The following SNX4 variants were observed in gnomAD, a reference collection of about 807,000 sequenced individuals.
SNX4 encodes sorting nexin 4.
SNX4 carries 49 observed loss-of-function variants against 70.8 expected under a neutral mutation model. That is an observed-to-expected ratio of 0.69 (90% CI 0.55 to 0.88). The LOEUF (loss-of-function observed/expected upper bound fraction) is 0.88. Ranked by LOEUF, SNX4 falls within the 40% of genes least tolerant of loss-of-function variation. The pLI is 0.00. For missense variants in SNX4, 528 were observed against 544.8 expected, an observed-to-expected ratio of 0.97 and a Z score of 0.31; for synonymous variants, 206 against 183.8, an observed-to-expected ratio of 1.12 and a Z score of -0.98.
At position 125,515,664 on chromosome 3, in the gene SNX4, C is replaced by CA. The variant is rs3030895; in HGVS notation, c.141+4367dup. On this transcript the variant is annotated intron_variant, in intron 1 of 13. Transcript: ENST00000251775. ...TGGGCAACAGTGCAAGACTTGGCCT[C>CA]AAAAAAAAAAAAAAAAAAAGAAAAT... Among the ~76,000 whole-genome samples the CA allele has an allele frequency of 3.1e-3, 314 of 102,330 alleles. 1 individual carries two copies. Among genetic ancestry groups the CA allele is most frequent in the East Asian group, 5.3e-3 (18 of 3,398 alleles). The allele number at this position is 102,330 out of a possible 152,430, so 67.1% of individuals were successfully genotyped here.
chr3:125,457,455 C>T, intron 10 of SNX4, 90 bp from the exon 11 acceptor site: 1 of 879,954 alleles, frequency 1.1e-6, no homozygotes, highest in Non-Finnish European at 1.8e-6. Flanking sequence ...TTCACAATGT[C>T]TCGCTAGGGC....
intron 2 of SNX4, among the ~76,000 whole-genome samples, chr3:125,502,924 T>TTTTG (rs79111496): frequency 7.0e-6 from 1 of 143,536 alleles, no homozygotes; most frequent in South Asian, 2.1e-4. Context: ...GTAGTTTTTT[T>TTTTG]TTTTTTTCTT....
At chr3:125,488,339 G>A (rs1294188404) in intron 6 of SNX4, among the ~76,000 whole-genome samples, 1 of 152,004 alleles carries the variant, frequency 6.6e-6, no homozygotes, top group Non-Finnish European at 1.5e-5. Context: ...ACTGGGCGTT[G>A]TAGGGGGTGC....
intron 9 of SNX4, among the ~76,000 whole-genome samples, chr3:125,467,259 C>T (rs191686129): frequency 1.7e-4 from 25 of 151,468 alleles, no homozygotes; most frequent in Admixed American, 2.0e-4. Flanking sequence ...TGGTGGTGGG[C>T]GCCTGTAATC....
chr3:125,478,073 CTATTAT>C (rs753250044), intron 7 of SNX4, among the ~76,000 whole-genome samples: 21 of 136,228 alleles, frequency 1.5e-4, no homozygotes, highest in Non-Finnish European at 2.7e-4. Context: ...ATTATTATTA[CTATTAT>C]TATTATTATT....
intron 8 of SNX4, among the ~76,000 whole-genome samples, chr3:125,474,272 C>G (rs1288817952): frequency 6.6e-6 from 1 of 152,156 alleles, no homozygotes; most frequent in Non-Finnish European, 1.5e-5. Flanking sequence ...CACCTCTGGT[C>G]TTTCTGGCTC....
At chr3:125,451,478 A>G (rs1040349600) in intron 12 of SNX4, 59 bp from the exon 13 acceptor site, 19 of 1,242,052 alleles carry the variant, frequency 1.5e-5, no homozygotes, top group Admixed American at 1.1e-4. Context: ...TGTACTAAAA[A>G]GTTAACCAGT....
rs375460197 is a variant in SNX4, at chr3:125,453,767, T to C, written c.1190+43A>G. On this transcript the variant is annotated intron_variant, in intron 12 of 13. Coordinates refer to ENST00000251775, the MANE Select transcript of SNX4 (RefSeq NM_003794.4). ...TAAATAAATAAAATAATCTACCATA[T>C]AGTCTACAAGCCTAGCTTACTTAAA... The C allele has an allele frequency of 3.8e-5, 60 of 1,574,706 alleles. No individual in the cohort carries two copies. The Admixed American group carries it at 7.6e-4, about 20-fold the overall frequency.
chr3:125,505,176 G>C (rs1935020852), intron 1 of SNX4, among the ~76,000 whole-genome samples: 1 of 152,272 alleles, frequency 6.6e-6, no homozygotes, highest in South Asian at 2.1e-4. Context: ...CACCATGTTG[G>C]CCAGGCTGGT....
At chr3:125,477,565 T>C (rs1281072085) in intron 7 of SNX4, among the ~76,000 whole-genome samples, 1 of 152,168 alleles carries the variant, frequency 6.6e-6, no homozygotes, top group Non-Finnish European at 1.5e-5. Flanking sequence ...AAGTATAAGC[T>C]CTAAGGATAA....
intron 12 of SNX4, among the ~76,000 whole-genome samples, chr3:125,452,526 G>A (rs1247984183): frequency 1.3e-5 from 2 of 152,116 alleles, no homozygotes; most frequent in African/African-American, 4.8e-5. Context: ...AGGTGGCAGC[G>A]AGCAACAATG....
intron 1 of SNX4, among the ~76,000 whole-genome samples, chr3:125,512,089 T>C (rs1935185307): frequency 6.6e-6 from 1 of 152,176 alleles, no homozygotes; most frequent in African/African-American, 2.4e-5. Flanking sequence ...ATTTATGTAC[T>C]AAGAAAATAA....
intron 9 of SNX4, among the ~76,000 whole-genome samples, chr3:125,467,154 A>T (rs1934045373): frequency 6.7e-6 from 1 of 150,028 alleles, no homozygotes; most frequent in African/African-American, 2.5e-5. Flanking sequence ...CGGGAGGCTG[A>T]GTTGGGCAGA....
At chr3:125,467,221 T>C (rs934766418) in intron 9 of SNX4, among the ~76,000 whole-genome samples, 3 of 151,764 alleles carry the variant, frequency 2.0e-5, no homozygotes, top group African/African-American at 7.3e-5. Context: ...ACCCTGTCTC[T>C]ACTAAAAATA....
At chr3:125,464,570 T>C (rs1933962346) in intron 9 of SNX4, among the ~76,000 whole-genome samples, 4 of 135,102 alleles carry the variant, frequency 3.0e-5, no homozygotes, top group Non-Finnish European at 6.3e-5. Context: ...CTTTCTTTTT[T>C]TTTTTTTTTT....
chr3:125,484,648 GA>G (rs1934483034), intron 6 of SNX4, among the ~76,000 whole-genome samples: 1 of 152,076 alleles, frequency 6.6e-6, no homozygotes, highest in African/African-American at 2.4e-5. Context: ...GACTCATGTT[GA>G]AAAGACCCTC....
intron 4 of SNX4, 45 bp downstream of exon 4, chr3:125,497,789 C>G: frequency 7.3e-7 from 1 of 1,362,906 alleles, no homozygotes; most frequent in Non-Finnish European, 9.9e-7. Flanking sequence ...TTAAGAAACC[C>G]AAATTAAATG....
intron 9 of SNX4, among the ~76,000 whole-genome samples, chr3:125,464,802 G>A (rs936847122): frequency 6.6e-6 from 1 of 151,944 alleles, no homozygotes; most frequent in African/African-American, 2.4e-5. Flanking sequence ...GAGTGCAGTG[G>A]TGCAATCTTA....
At chr3:125,497,079 T>TA (rs869287911) in intron 5 of SNX4, among the ~76,000 whole-genome samples, 19,584 of 124,000 alleles carry the variant, frequency 0.16, 1,731 homozygotes, top group African/African-American at 0.29. Context: ...AAACACTAAC[T>TA]AAAAAAAAAA....
Sources: gnomAD v4.1 joint callset for allele counts (sites outside exome capture counted in the v4.1 genomes callset) on GRCh38, gnomAD v4.1.1 for gene constraint, MANE v1.5 for transcripts, NCBI Gene and HGNC (gene_info 2026-07-23, HGNC 2026-07-21) for gene names.